Variants in BBX observed in about 807,000 individuals in gnomAD.
BBX encodes HMG box transcription factor BBX.
Under a neutral mutation model 100.2 loss-of-function variants are expected in BBX, and 30 were observed. That is an observed-to-expected ratio of 0.30 (90% CI 0.22 to 0.41). The LOEUF is 0.41. Among genes scored for constraint, BBX ranks in the 10% least tolerant of loss-of-function variants. The pLI is 1.00. For synonymous variants in BBX, 376 were observed against 388.1 expected, an observed-to-expected ratio of 0.97 and a Z score of 0.37; for missense variants, 1,023 against 1,129.8, an observed-to-expected ratio of 0.91 and a Z score of 1.35.
At position 107,718,272 on chromosome 3, in the gene BBX, AAT is replaced by A. The variant is rs556848173; in HGVS notation, c.405+1426_405+1427del. Among the ~76,000 whole-genome samples the A allele has an allele frequency of 1.9e-3, 272 of 146,222 alleles. 1 individual carries two copies. Among genetic ancestry groups the A allele is most frequent in the African/African-American group, 6.4e-3 (261 of 40,748 alleles). ...CTATTATAATAGTATTAATGATTATAATATGATTGTTAATTATAATAGTATTA... is the reference window on the plus strand; with the variant it reads ...CTATTATAATAGTATTAATGATTATAATGATTGTTAATTATAATAGTATTA... On this transcript the variant is annotated intron_variant, in intron 5 of 17. Transcript: ENST00000325805.
intron 2 of BBX, among the ~76,000 whole-genome samples, chr3:107,626,488 A>T (rs1350407777): frequency 6.6e-6 from 1 of 152,134 alleles, no homozygotes; most frequent in African/African-American, 2.4e-5. Flanking sequence ...GGCTCAGGGT[A>T]TCTCATGAAG....
intron 3 of BBX, among the ~76,000 whole-genome samples, chr3:107,690,295 C>T (rs996114798): frequency 6.6e-6 from 1 of 152,138 alleles, no homozygotes; most frequent in Non-Finnish European, 1.5e-5. Flanking sequence ...CTGCCACTAA[C>T]TCTTGTGGCC....
intron 3 of BBX, among the ~76,000 whole-genome samples, chr3:107,701,001 C>T (rs1443369410): frequency 6.6e-6 from 1 of 151,784 alleles, no homozygotes; most frequent in Non-Finnish European, 1.5e-5. Context: ...TTCTAGATCC[C>T]TGAGGGATCG....
At chr3:107,784,346 C>T (rs939174547) in intron 13 of BBX, among the ~76,000 whole-genome samples, 1 of 151,942 alleles carries the variant, frequency 6.6e-6, no homozygotes, top group Non-Finnish European at 1.5e-5. Context: ...TCAGTAATGG[C>T]AGAATGTATA....
At chr3:107,689,741 A>T (rs1287943538) in intron 3 of BBX, among the ~76,000 whole-genome samples, 4 of 152,232 alleles carry the variant, frequency 2.6e-5, no homozygotes, top group African/African-American at 9.6e-5. Context: ...GGTATGAATG[A>T]AATACCAACA....
intron 2 of BBX, among the ~76,000 whole-genome samples, chr3:107,580,696 A>T (rs1260977761): frequency 6.6e-6 from 1 of 152,096 alleles, no homozygotes. Flanking sequence ...CAGTGGCACG[A>T]TCTTGGCTCA....
chr3:107,748,911 A>T (rs915907355), intron 9 of BBX, among the ~76,000 whole-genome samples: 5 of 152,144 alleles, frequency 3.3e-5, no homozygotes, highest in African/African-American at 1.2e-4. Flanking sequence ...TACTGCATAA[A>T]TGGAATATAA....
Position 107,716,857 on chromosome 3 carries a change from A to G in BBX, c.405+8A>G, listed in dbSNP as rs188300391. On this transcript the variant is annotated splice_region_variant and intron_variant, in intron 5 of 17. Transcript: ENST00000325805. ...ACAGACATGGCCAAGGAGGTAGGTTACAATGACAAGGTATTCTGATAGCTA... is the reference window on the plus strand; with the variant it reads ...ACAGACATGGCCAAGGAGGTAGGTTGCAATGACAAGGTATTCTGATAGCTA... The G allele has an allele frequency of 1.2e-6, 2 of 1,612,488 alleles. No homozygotes were observed. The highest frequency in any genetic ancestry group is 1.3e-5 in the African/African-American group (1 of 75,000).
At chr3:107,606,229 A>G (rs1403335119) in intron 2 of BBX, among the ~76,000 whole-genome samples, 6 of 152,234 alleles carry the variant, frequency 3.9e-5, no homozygotes, top group African/African-American at 7.2e-5. Context: ...AACAATGCTT[A>G]TCCTAATATA....
At chr3:107,622,909 T>G (rs2107696139) in intron 2 of BBX, among the ~76,000 whole-genome samples, 1 of 152,298 alleles carries the variant, frequency 6.6e-6, no homozygotes. Flanking sequence ...TTTCAAAGTC[T>G]TTTCAGTGTT....
At chr3:107,553,094 C>T (rs1448323658) in intron 2 of BBX, among the ~76,000 whole-genome samples, 1 of 152,102 alleles carries the variant, frequency 6.6e-6, no homozygotes, top group Non-Finnish European at 1.5e-5. Context: ...ATGGTTTGGT[C>T]AGTAGTGAAA....
intron 2 of BBX, among the ~76,000 whole-genome samples, chr3:107,560,207 G>GAAA (rs5851558): frequency 6.9e-6 from 1 of 144,064 alleles, no homozygotes; most frequent in East Asian, 2.0e-4. Flanking sequence ...TGGGAAACAT[G>GAAA]AAAAAAAAAA....
intron 13 of BBX, among the ~76,000 whole-genome samples, chr3:107,788,188 A>G (rs1449948015): frequency 6.6e-6 from 1 of 152,178 alleles, no homozygotes; most frequent in Admixed American, 6.5e-5. Context: ...GAGAATAGAG[A>G]CAAGGACAAG....
At chr3:107,674,571 T>C (rs2059186883) in intron 3 of BBX, among the ~76,000 whole-genome samples, 1 of 152,196 alleles carries the variant, frequency 6.6e-6, no homozygotes, top group South Asian at 2.1e-4. Flanking sequence ...AGAATTGCTT[T>C]GACTCACTTC....
At chr3:107,686,595 C>T (rs572206509) in intron 3 of BBX, among the ~76,000 whole-genome samples, 1 of 152,124 alleles carries the variant, frequency 6.6e-6, no homozygotes, top group Non-Finnish European at 1.5e-5. Context: ...AGGACAGACC[C>T]CTCTTTCCAC....
chr3:107,766,813 C>T (rs1320616649), intron 10 of BBX, among the ~76,000 whole-genome samples: 1 of 152,146 alleles, frequency 6.6e-6, no homozygotes. Context: ...GCCCAATTGT[C>T]CATCAAAGAT....
intron 3 of BBX, among the ~76,000 whole-genome samples, chr3:107,706,807 C>T (rs1342653130): frequency 2.0e-5 from 3 of 152,156 alleles, no homozygotes; most frequent in African/African-American, 7.2e-5. Context: ...TTACCTCCTC[C>T]TCATTGTTGA....
At chr3:107,609,939 CT>C (rs1345460267) in intron 2 of BBX, among the ~76,000 whole-genome samples, 3 of 151,752 alleles carry the variant, frequency 2.0e-5, no homozygotes, top group Admixed American at 2.0e-4. Context: ...TTTTCTGATC[CT>C]TTAAGATGCA....
At chr3:107,733,413 C>T (rs2063440906) in intron 7 of BBX, among the ~76,000 whole-genome samples, 1 of 152,128 alleles carries the variant, frequency 6.6e-6, no homozygotes, top group South Asian at 2.1e-4. Context: ...TTGCAGCTGT[C>T]AGTCTCTCTG....
Sources: gnomAD v4.1 joint callset for allele counts (sites outside exome capture counted in the v4.1 genomes callset) on GRCh38, gnomAD v4.1.1 for gene constraint, MANE v1.5 for transcripts, NCBI Gene and HGNC (gene_info 2026-07-23, HGNC 2026-07-21) for gene names.